NKAIN3: variants seen among roughly 807,000 people sequenced by gnomAD.
NKAIN3 encodes sodium/potassium transporting ATPase interacting 3, also known as sodium/potassium-transporting ATPase subunit beta-1-interacting protein 3.
Under a neutral mutation model 30.2 loss-of-function variants are expected in NKAIN3, and 25 were observed. The ratio of observed to expected loss-of-function variants is 0.83; its 90% confidence interval spans 0.60 to 1.16. The LOEUF (loss-of-function observed/expected upper bound fraction) is 1.16, where lower values mean the gene tolerates loss of function less well. NKAIN3 is among the 50% of genes most tolerant of loss of function. The pLI, the probability that NKAIN3 is intolerant of heterozygous loss-of-function variation, is 0.00. For synonymous variants in NKAIN3, 91 were observed against 89.6 expected, an observed-to-expected ratio of 1.02 and a Z score of -0.09; for missense variants, 225 against 254.1, an observed-to-expected ratio of 0.89 and a Z score of 0.78.
chr8:62,431,433 T>C (rs1804994541), intron 1 of NKAIN3, among the ~76,000 whole-genome samples: 1 of 151,896 alleles, frequency 6.6e-6, no homozygotes. Flanking sequence ...CCATTTTTTC[T>C]TATTTGCCCA....
intron 3 of NKAIN3, among the ~76,000 whole-genome samples, chr8:62,721,589 C>A (rs944797202): frequency 1.3e-5 from 2 of 152,146 alleles, no homozygotes; most frequent in African/African-American, 2.4e-5. Flanking sequence ...ATAAGTCCTT[C>A]TTCAGCCAAG....
chr8:62,535,504 A>G (rs1411658692), intron 1 of NKAIN3, among the ~76,000 whole-genome samples: 66 of 152,258 alleles, frequency 4.3e-4, no homozygotes, highest in Non-Finnish European at 2.9e-5. Context: ...ACTTCTGACC[A>G]CCGGGCTTCA....
chr8:62,830,354 A>T (rs1018568857), intron 4 of NKAIN3, among the ~76,000 whole-genome samples: 19 of 152,184 alleles, frequency 1.2e-4, no homozygotes, highest in African/African-American at 4.6e-4. Flanking sequence ...TATACTCAAT[A>T]TGCAGAAGTG....
intron 4 of NKAIN3, among the ~76,000 whole-genome samples, chr8:62,801,461 G>T (rs938731245): frequency 6.6e-6 from 1 of 152,156 alleles, no homozygotes; most frequent in African/African-American, 2.4e-5. Context: ...CGCAGTTCAT[G>T]AAAACCCGCT....
intron 2 of NKAIN3, 139 bp from the exon 3 acceptor site, chr8:62,589,575 G>A: frequency 4.1e-6 from 2 of 483,046 alleles, no homozygotes; most frequent in Non-Finnish European, 7.5e-6. Flanking sequence ...ACCACATAGA[G>A]AGCACTCTTT....
At chr8:62,645,545 A>C (rs1812434568) in intron 3 of NKAIN3, among the ~76,000 whole-genome samples, 1 of 152,134 alleles carries the variant, frequency 6.6e-6, no homozygotes, top group South Asian at 2.1e-4. Context: ...AACAACCACA[A>C]ACTACAACTT....
intron 1 of NKAIN3, among the ~76,000 whole-genome samples, chr8:62,479,177 A>G (rs565679846): frequency 3.7e-4 from 56 of 152,192 alleles, no homozygotes; most frequent in Non-Finnish European, 5.7e-4. Flanking sequence ...ATTCCTGGAC[A>G]TGAGTGTTTC....
chr8:62,562,157 T>G (rs576198913), intron 1 of NKAIN3, among the ~76,000 whole-genome samples: 1 of 152,298 alleles, frequency 6.6e-6, no homozygotes, highest in African/African-American at 2.4e-5. Context: ...AGCCTCTTTA[T>G]ACACATATAT....
Position 62,863,026 on chromosome 8 carries a change from C to A in NKAIN3, c.472-55427C>A, listed in dbSNP as rs754983492. 8.9e-6 allele frequency: 6 copies of A among 676,966 alleles called. No homozygotes were observed. In the Admixed American group the frequency reaches 1.4e-4, roughly 16 times the overall value. The allele number at this position is 676,966 out of a possible 1,614,324, so 41.9% of individuals were successfully genotyped here. On this transcript the variant is annotated intron_variant, in intron 4 of 6. Coordinates refer to ENST00000623646, the MANE Select transcript of NKAIN3 (RefSeq NM_001304533.3). Reference sequence around the variant, plus strand: ...TGGTATGTAACCACACGTGTACATGCAAGGATGTGACTATGGAGACTCTAG... The same window carrying A: ...TGGTATGTAACCACACGTGTACATGAAAGGATGTGACTATGGAGACTCTAG...
At chr8:62,441,547 A>G (rs537709822) in intron 1 of NKAIN3, among the ~76,000 whole-genome samples, 2 of 151,828 alleles carry the variant, frequency 1.3e-5, no homozygotes, top group African/African-American at 4.8e-5. Context: ...CTTATTTTTA[A>G]TTTTATTTTT....
intron 3 of NKAIN3, among the ~76,000 whole-genome samples, chr8:62,627,264 C>CT (rs970421630): frequency 3.9e-5 from 6 of 152,098 alleles, no homozygotes; most frequent in African/African-American, 1.4e-4. Context: ...CTTTAAATGT[C>CT]TTTTTAACAA....
chr8:62,318,107 T>C (rs2129589153), intron 1 of NKAIN3, among the ~76,000 whole-genome samples: 1 of 152,312 alleles, frequency 6.6e-6, no homozygotes, highest in East Asian at 1.9e-4. Flanking sequence ...AGAATGCTTG[T>C]GATTTTTTGC....
intron 3 of NKAIN3, among the ~76,000 whole-genome samples, chr8:62,652,444 C>T (rs745793428): frequency 1.4e-4 from 22 of 152,126 alleles, no homozygotes; most frequent in Non-Finnish European, 2.6e-4. Context: ...GACATAGGTG[C>T]GATTAATCAT....
chr8:62,623,924 G>T (rs920168514), intron 3 of NKAIN3, among the ~76,000 whole-genome samples: 1 of 152,178 alleles, frequency 6.6e-6, no homozygotes, highest in South Asian at 2.1e-4. Context: ...CTTATTTCTT[G>T]AGTATATTCT....
At chr8:62,940,725 A>T (rs1438476152) in intron 5 of NKAIN3, among the ~76,000 whole-genome samples, 1 of 152,144 alleles carries the variant, frequency 6.6e-6, no homozygotes, top group East Asian at 1.9e-4. Flanking sequence ...ACTGAACAAT[A>T]ATAGTAACAC....
intron 3 of NKAIN3, among the ~76,000 whole-genome samples, chr8:62,680,777 C>T (rs1813622404): frequency 6.6e-6 from 1 of 151,978 alleles, no homozygotes; most frequent in Non-Finnish European, 1.5e-5. Flanking sequence ...AACTTTTATA[C>T]TAAATCATTT....
chr8:62,733,759 G>A (rs1193956834), intron 3 of NKAIN3, among the ~76,000 whole-genome samples: 1 of 151,918 alleles, frequency 6.6e-6, no homozygotes, highest in Non-Finnish European at 1.5e-5. Flanking sequence ...ATGCCTATTG[G>A]CCTTTCATGT....
At chr8:62,523,326 C>T (rs970563063) in intron 1 of NKAIN3, among the ~76,000 whole-genome samples, 20 of 152,084 alleles carry the variant, frequency 1.3e-4, no homozygotes, top group African/African-American at 4.8e-4. Flanking sequence ...TGTCTAATAA[C>T]ACATTTCTCA....
chr8:62,446,693 A>T (rs1385105635), intron 1 of NKAIN3, among the ~76,000 whole-genome samples: 1 of 152,088 alleles, frequency 6.6e-6, no homozygotes, highest in Non-Finnish European at 1.5e-5. Flanking sequence ...TACGTCAGGT[A>T]CCTCATATAG....
Sources: gnomAD v4.1 joint callset for allele counts (sites outside exome capture counted in the v4.1 genomes callset) on GRCh38, gnomAD v4.1.1 for gene constraint, MANE v1.5 for transcripts, NCBI Gene and HGNC (gene_info 2026-07-23, HGNC 2026-07-21) for gene names.